FRAS1: variants seen among roughly 807,000 people sequenced by gnomAD.
FRAS1 encodes the protein extracellular matrix organizing protein FRAS1.
Under a neutral mutation model 435.2 loss-of-function variants are expected in FRAS1, and 290 were observed. That is an observed-to-expected ratio of 0.67 (90% CI 0.61 to 0.73). The LOEUF (loss-of-function observed/expected upper bound fraction) is 0.73, where lower values mean the gene tolerates loss of function less well. Ranked by LOEUF, FRAS1 falls within the 30% of genes least tolerant of loss-of-function variation. The probability of loss-of-function intolerance (pLI) is 0.00; values close to 1 mark genes in which losing one functional copy is unlikely to be tolerated. For missense variants in FRAS1, 4,860 were observed against 5,001.5 expected (o/e 0.97, Z 0.85); for synonymous variants, 1,800 against 1,851.0 (o/e 0.97, Z 0.71).
Position 78,267,587 on chromosome 4 carries a change from A to G in FRAS1, c.981+155A>G, listed in dbSNP as rs1209552866. On this transcript the variant is annotated intron_variant, in intron 9 of 73. Coordinates refer to ENST00000512123, the MANE Select transcript of FRAS1 (RefSeq NM_025074.7). ...CCTTCTAGTGTAAAGCTTCCGTGGT[A>G]TAAAATGAATGTCACTGTTTGTTCA... Among the ~76,000 whole-genome samples, 4 of 152,352 alleles carry G rather than the reference A, an allele frequency of 2.6e-5. No homozygotes were observed. In the East Asian group the frequency reaches 5.8e-4, roughly 22 times the overall value.
At chr4:78,484,216 A>C (rs1184300050) in intron 58 of FRAS1, among the ~76,000 whole-genome samples, 1 of 152,198 alleles carries the variant, frequency 6.6e-6, no homozygotes, top group Non-Finnish European at 1.5e-5. Context: ...GTTATTGCAT[A>C]TGTGAGTAGT....
chr4:78,181,758 G>C, intron 2 of FRAS1: 1 of 1,610,234 alleles, frequency 6.2e-7, no homozygotes, highest in Non-Finnish European at 8.5e-7. Flanking sequence ...GCCACGGGCG[G>C]CTGCGTCTCC....
chr4:78,433,385 C>T (rs1199592991), intron 38 of FRAS1, among the ~76,000 whole-genome samples: 2 of 152,164 alleles, frequency 1.3e-5, no homozygotes, highest in African/African-American at 4.8e-5. Context: ...GAATGATTAT[C>T]TGAATGCTAA....
intron 2 of FRAS1, chr4:78,181,189 C>G (rs1294359306): frequency 6.2e-7 from 1 of 1,607,246 alleles, no homozygotes; most frequent in Non-Finnish European, 8.5e-7. Flanking sequence ...CTACTTTTGC[C>G]CGGTCCTTAT....
chr4:78,058,189 T>C, intron 1 of FRAS1, 104 bp downstream of exon 1: 1 of 1,044,482 alleles, frequency 9.6e-7, no homozygotes, highest in East Asian at 2.6e-5. Context: ...TTTATGGTAT[T>C]TCGGTGAGGT....
intron 40 of FRAS1, among the ~76,000 whole-genome samples, chr4:78,439,910 A>C (rs1734586935): frequency 6.6e-6 from 1 of 152,134 alleles, no homozygotes. Context: ...ATTCCACAGA[A>C]GTTAATTCAC....
At chr4:78,436,275 A>C (rs1734425121) in intron 38 of FRAS1, among the ~76,000 whole-genome samples, 1 of 152,238 alleles carries the variant, frequency 6.6e-6, no homozygotes, top group Non-Finnish European at 1.5e-5. Flanking sequence ...AGTCGCCTTC[A>C]TTAGTGGTCA....
intron 2 of FRAS1, among the ~76,000 whole-genome samples, chr4:78,208,534 T>C (rs1723361144): frequency 6.6e-6 from 1 of 151,584 alleles, no homozygotes. Context: ...AATAAAAAAA[T>C]GATACAAGAA....
intron 2 of FRAS1, among the ~76,000 whole-genome samples, chr4:78,092,363 T>C (rs531148796): frequency 6.6e-6 from 1 of 152,230 alleles, no homozygotes; most frequent in East Asian, 1.9e-4. Context: ...AAGAGGTTTA[T>C]TGGACTTACA....
intron 2 of FRAS1, among the ~76,000 whole-genome samples, chr4:78,170,162 C>T (rs528697376): frequency 3.3e-5 from 5 of 152,190 alleles, no homozygotes; most frequent in African/African-American, 9.6e-5. Flanking sequence ...GCAACTAATT[C>T]GTTTCTTTCC....
chr4:78,383,966 T>C, intron 27 of FRAS1, 93 bp from the exon 28 acceptor site: 4 of 908,072 alleles, frequency 4.4e-6, no homozygotes, highest in Non-Finnish European at 6.9e-6. Flanking sequence ...AATTCTTACC[T>C]ACACATAACC....
intron 2 of FRAS1, chr4:78,182,110 T>G: frequency 8.0e-7 from 1 of 1,253,896 alleles, no homozygotes; most frequent in Non-Finnish European, 1.1e-6. Flanking sequence ...CAAGAGCGCC[T>G]GCTTCAGCTC....
At chr4:78,540,220 A>G (rs917519936) in intron 73 of FRAS1, among the ~76,000 whole-genome samples, 4 of 152,232 alleles carry the variant, frequency 2.6e-5, no homozygotes, top group Admixed American at 6.5e-5. Context: ...ACTGCTATCA[A>G]TAAAGACAGA....
chr4:78,354,619 A>C (rs531886283), intron 20 of FRAS1, among the ~76,000 whole-genome samples: 2 of 152,200 alleles, frequency 1.3e-5, no homozygotes, highest in Non-Finnish European at 2.9e-5. Flanking sequence ...GCATGAAATC[A>C]TTTCTTTTTC....
rs768994107 is a variant in FRAS1 at position 78,541,172 on chromosome 4, G to T, written c.*48G>T. The T allele has an allele frequency of 1.8e-6, 2 of 1,095,830 alleles. No homozygotes were observed. The highest frequency in any genetic ancestry group is 2.4e-6 in the Non-Finnish European group (2 of 828,518). The allele number at this position is 1,095,830 out of a possible 1,614,324, so 67.9% of individuals were successfully genotyped here. ...TTTTCTAAAATCATTTTTATAAAATGGGGGGAAATACTGGTATTTTTATAA... is the reference window on the plus strand; with the variant it reads ...TTTTCTAAAATCATTTTTATAAAATTGGGGGAAATACTGGTATTTTTATAA... On this transcript the variant is annotated 3_prime_UTR_variant, in exon 74 of 74. Coordinates refer to ENST00000512123, the MANE Select transcript of FRAS1 (RefSeq NM_025074.7).
intron 6 of FRAS1, among the ~76,000 whole-genome samples, chr4:78,256,171 A>C (rs1391805914): frequency 6.6e-6 from 1 of 152,238 alleles, no homozygotes; most frequent in Admixed American, 6.5e-5. Context: ...ACAATTGGGC[A>C]ATATTTTTAA....
At chr4:78,126,482 T>A (rs901180891) in intron 2 of FRAS1, among the ~76,000 whole-genome samples, 4 of 152,208 alleles carry the variant, frequency 2.6e-5, no homozygotes, top group Non-Finnish European at 5.9e-5. Flanking sequence ...ATCTTCTGCG[T>A]CAATCTCACT....
intron 2 of FRAS1, among the ~76,000 whole-genome samples, chr4:78,098,369 A>G (rs1230684078): frequency 1.4e-5 from 2 of 146,224 alleles, no homozygotes; most frequent in Non-Finnish European, 3.0e-5. Flanking sequence ...TCCACTTCCC[A>G]GGTTCCTGCA....
At chr4:78,470,157 G>A (rs985460824) in intron 51 of FRAS1, 66 bp downstream of exon 51, 1 of 1,031,996 alleles carries the variant, frequency 9.7e-7, no homozygotes. Context: ...TCACGACAAT[G>A]ACTTATGAAT....
Sources: gnomAD v4.1 joint callset for allele counts (sites outside exome capture counted in the v4.1 genomes callset) on GRCh38, gnomAD v4.1.1 for gene constraint, MANE v1.5 for transcripts, NCBI Gene and HGNC (gene_info 2026-07-23, HGNC 2026-07-21) for gene names.